Variants in SCN3A observed in about 807,000 individuals in gnomAD.
SCN3A encodes the protein sodium channel protein type 3 subunit alpha.
Under a neutral mutation model 187.6 loss-of-function variants are expected in SCN3A, and 60 were observed. That is an observed-to-expected ratio of 0.32 (90% confidence interval 0.26 to 0.40). The LOEUF is 0.40. SCN3A is among the 10% of genes least tolerant of loss of function. The pLI, the probability that SCN3A is intolerant of heterozygous loss-of-function variation, is 1.00. For synonymous variants in SCN3A, 788 were observed against 829.2 expected, an observed-to-expected ratio of 0.95 and a Z score of 0.85; for missense variants, 1,601 against 2,428.2, an observed-to-expected ratio of 0.66 and a Z score of 7.16.
At chr2:165,188,647 G>A (rs967615576) in intron 1 of SCN3A, among the ~76,000 whole-genome samples, 5 of 132,168 alleles carry the variant, frequency 3.8e-5, no homozygotes, top group East Asian at 2.3e-4. Flanking sequence ...AATTAGCCAG[G>A]TGTGGTGGTG....
chr2:165,180,835 A>C (rs1690802703), intron 2 of SCN3A, among the ~76,000 whole-genome samples: 1 of 152,094 alleles, frequency 6.6e-6, no homozygotes, highest in Non-Finnish European at 1.5e-5. Flanking sequence ...GCAGGGAGTG[A>C]TCCTAGAGCA....
intron 8 of SCN3A, 42 bp from the exon 9 acceptor site, chr2:165,162,413 C>A (rs1383184340): frequency 1.2e-6 from 2 of 1,601,708 alleles, no homozygotes; most frequent in African/African-American, 2.7e-5. Flanking sequence ...CATATTAATC[C>A]TATTCACATT....
intron 26 of SCN3A, chr2:165,093,338 G>C (rs1195463033): frequency 6.6e-6 from 1 of 151,944 alleles, no homozygotes; most frequent in Middle Eastern, 3.2e-3. Flanking sequence ...CTATGTATGG[G>C]CTTGTTAATT....
At chr2:165,115,720 T>C in intron 18 of SCN3A, 145 bp from the exon 19 acceptor site, 1 of 821,786 alleles carries the variant, frequency 1.2e-6, no homozygotes, top group African/African-American at 1.7e-5. Context: ...ACTAATAATT[T>C]AACATAAATC....
chr2:165,102,122 C>A (rs921452311), intron 21 of SCN3A, among the ~76,000 whole-genome samples: 1 of 152,206 alleles, frequency 6.6e-6, no homozygotes, highest in African/African-American at 2.4e-5. Flanking sequence ...TTTTTCTCAA[C>A]CTCCCAACAA....
In SCN3A at chr2:165,162,733, T is replaced by A. The variant is rs1342832351; in HGVS notation, c.790A>T (p.Ile264Phe). ...TVFCLSVFAL[I>F]GLQLFMGNLR... ...TTGCCCATGAACAGCTGCAGCCCAATGAGAGCAAACACGCTCAGACAGAAC... is the reference window on the plus strand; with the variant it reads ...TTGCCCATGAACAGCTGCAGCCCAAAGAGAGCAAACACGCTCAGACAGAAC... The change falls in exon 8 of 28, where the codon ATT becomes TTT. Residue 264 changes from isoleucine (I) to phenylalanine (F), a missense_variant. By Grantham distance (21) the Ile-to-Phe change is conservative. This residue lies in a region of SCN3A where 104 missense variants were observed against 102.7 expected (regional missense o/e 1.01). Coordinates refer to ENST00000283254, the MANE Select transcript of SCN3A (RefSeq NM_006922.4). 6.2e-7 allele frequency: 1 copy of A among 1,614,106 alleles called. No homozygotes were observed. Among genetic ancestry groups the A allele is most frequent in the Non-Finnish European group, 8.5e-7 (1 of 1,180,012 alleles).
rs778517910 is a variant in SCN3A, at chr2:165,088,067, A to C, written c.*2083T>G. ...AAATGTCAGATCAAGCACAGGTTTT[A>C]TTAATTATATATATTTTAAACTGCC... On this transcript the variant is annotated 3_prime_UTR_variant, in exon 28 of 28. Transcript: ENST00000283254. 1 of 152,384 alleles carries C rather than the reference A, an allele frequency of 6.6e-6. No homozygotes were observed. 9.4% of individuals were successfully genotyped at this position (152,384 alleles called of 1,614,324 possible).
At chr2:165,176,838 G>A (rs1040000360) in intron 2 of SCN3A, among the ~76,000 whole-genome samples, 1 of 152,142 alleles carries the variant, frequency 6.6e-6, no homozygotes, top group Non-Finnish European at 1.5e-5. Flanking sequence ...TGCCAGTAAA[G>A]TTTGTCAATA....
Position 165,100,386 on chromosome 2 carries a change from G to A in SCN3A, c.3882C>T (p.Tyr1294=). The change falls in exon 22 of 28, where the codon TAC becomes TAT. Residue 1294 remains tyrosine, a synonymous_variant. Transcript: ENST00000283254. ...LVSLVANALG[Y]SELGAIKSLR... is the part of the protein sequence containing the mutation. ...ATGATTTGATGGCACCGAGTTCTGAGTAGCCAAGAGCATTGGCTACCAGGC... is the reference window on the plus strand; with the variant it reads ...ATGATTTGATGGCACCGAGTTCTGAATAGCCAAGAGCATTGGCTACCAGGC... 2.5e-6 allele frequency: 4 copies of A among 1,613,860 alleles called. No homozygotes were observed. The highest frequency in any genetic ancestry group is 2.2e-5 in the South Asian group (2 of 91,070).
At chr2:165,195,512 T>C (rs1437128129) in intron 1 of SCN3A, 2 of 152,146 alleles carry the variant, frequency 1.3e-5, no homozygotes, top group Admixed American at 1.3e-4. Context: ...TTGAATGTCT[T>C]AAATATCTGT....
rs1684990879 is a variant in SCN3A, at chr2:165,089,828, G to A, written c.*322C>T. 1.9e-5 allele frequency: 5 copies of A among 269,216 alleles called. No individual in the cohort carries two copies. Among genetic ancestry groups the A allele is most frequent in the South Asian group, 1.3e-4 (2 of 15,010 alleles). The allele number at this position is 269,216 out of a possible 1,614,324, so 16.7% of individuals were successfully genotyped here. ...TATGGAAGTTAAAAATAGAATGGATGCAAGGACTGTACTAAAGGTGTTTGG... is the reference window on the plus strand; with the variant it reads ...TATGGAAGTTAAAAATAGAATGGATACAAGGACTGTACTAAAGGTGTTTGG... On this transcript the variant is annotated 3_prime_UTR_variant, in exon 28 of 28. Transcript: ENST00000283254.
chr2:165,182,413 T>C (rs1365035321), intron 2 of SCN3A, among the ~76,000 whole-genome samples: 1 of 152,204 alleles, frequency 6.6e-6, no homozygotes, highest in Non-Finnish European at 1.5e-5. Context: ...TAGTTCATAC[T>C]TTATAGAGCT....
At chr2:165,152,542 T>C (rs1688747387) in intron 11 of SCN3A, among the ~76,000 whole-genome samples, 1 of 152,218 alleles carries the variant, frequency 6.6e-6, no homozygotes, top group Non-Finnish European at 1.5e-5. Flanking sequence ...TACGTGTGCA[T>C]GTGTCTTTAT....
chr2:165,102,222 A>G (rs1395027340), intron 21 of SCN3A, among the ~76,000 whole-genome samples: 1 of 152,250 alleles, frequency 6.6e-6, no homozygotes, highest in African/African-American at 2.4e-5. Context: ...TTTGAAAAGA[A>G]AAGTAAAACT....
chr2:165,197,306 T>A (rs1692024636), intron 1 of SCN3A, among the ~76,000 whole-genome samples: 1 of 152,148 alleles, frequency 6.6e-6, no homozygotes, highest in African/African-American at 2.4e-5. Context: ...TGGCTTCTGT[T>A]ATTTTTCTTT....
chr2:165,184,481 C>CA (rs1691093096), intron 2 of SCN3A, among the ~76,000 whole-genome samples: 1 of 55,892 alleles, frequency 1.8e-5, no homozygotes, highest in Non-Finnish European at 3.2e-5. Context: ...CTGTCTAGTT[C>CA]AGAAAAAAAA....
chr2:165,170,290 C>A (rs2105910219), intron 4 of SCN3A, 140 bp downstream of exon 4: 5 of 631,422 alleles, frequency 7.9e-6, no homozygotes, highest in South Asian at 1.9e-5. Context: ...AGTGGAAAAC[C>A]AATGCAAATA....
intron 15 of SCN3A, among the ~76,000 whole-genome samples, chr2:165,133,792 A>G (rs1687501532): frequency 6.6e-6 from 1 of 152,158 alleles, no homozygotes; most frequent in African/African-American, 2.4e-5. Context: ...AATAATAGCT[A>G]CTGAATTATT....
At position 165,122,230 on chromosome 2, in the gene SCN3A, C is replaced by CTTTTTTTTTTTTTTTTT. The variant is rs776949572; in HGVS notation, c.3393+5400_3393+5401insAAAAAAAAAAAAAAAAA. Reference sequence around the variant, plus strand: ...TTTTTTTTTTCTTTTTTCTTTCTTTCTTTTTTTTCTTTTTTTTTTTTTTTA... The same window carrying CTTTTTTTTTTTTTTTTT: ...TTTTTTTTTTCTTTTTTCTTTCTTTCTTTTTTTTTTTTTTTTTTTTTTTTTCTTTTTTTTTTTTTTTA... On this transcript the variant is annotated intron_variant, in intron 18 of 27. Coordinates refer to ENST00000283254, the MANE Select transcript of SCN3A (RefSeq NM_006922.4). 4.4e-5 allele frequency among the ~76,000 whole-genome samples: 5 copies of CTTTTTTTTTTTTTTTTT among 113,938 alleles called. 1 individual carries two copies. Among genetic ancestry groups the CTTTTTTTTTTTTTTTTT allele is most frequent in the African/African-American group, 6.7e-5 (2 of 29,706 alleles). 74.7% of individuals were successfully genotyped at this position (113,938 alleles called of 152,430 possible). A position where few individuals can be genotyped will look rare whatever the true frequency, so the allele number is the denominator to read the frequency against.
Sources: allele counts gnomAD v4.1 joint callset (sites outside exome capture counted in the v4.1 genomes callset), GRCh38; gene constraint gnomAD v4.1.1; regional missense constraint gnomAD v4.1.1; transcripts MANE v1.5; gene names NCBI Gene and HGNC (gene_info 2026-07-23, HGNC 2026-07-21).